The following DTD1 variants were observed in gnomAD, a reference collection of about 807,000 sequenced individuals.
The protein encoded by DTD1 is D-aminoacyl-tRNA deacylase 1.
A neutral mutation model predicts 25.6 loss-of-function variants in DTD1; 13 were observed. The ratio of observed to expected loss-of-function variants is 0.51; its 90% CI spans 0.33 to 0.81. DTD1 has a LOEUF of 0.81. Among genes scored for constraint, DTD1 ranks in the 30% least tolerant of loss-of-function variants. The pLI, the probability that DTD1 is intolerant of heterozygous loss-of-function variation, is 0.02. For missense variants in DTD1, 193 were observed against 266.4 expected (o/e 0.72, Z 1.92); for synonymous variants, 110 against 103.6 (o/e 1.06, Z -0.37).
chr20:18,709,648 C>A (rs963386758), intron 4 of DTD1, among the ~76,000 whole-genome samples: 1 of 152,120 alleles, frequency 6.6e-6, no homozygotes, highest in African/African-American at 2.4e-5. Flanking sequence ...TTGGAGTCAT[C>A]CTTTTTTTAT....
intron 4 of DTD1, among the ~76,000 whole-genome samples, chr20:18,692,890 ATT>A (rs34962546): frequency 8.9e-6 from 1 of 112,462 alleles, no homozygotes; most frequent in Non-Finnish European, 1.7e-5. Context: ...CAGGACATGG[ATT>A]TTTTTTTTTT....
intron 4 of DTD1, among the ~76,000 whole-genome samples, chr20:18,720,654 A>G (rs1422439128): frequency 5.9e-5 from 9 of 152,150 alleles, no homozygotes; most frequent in African/African-American, 2.2e-4. Context: ...CGGGAGTTTG[A>G]GACAAGCCTG....
intron 4 of DTD1, among the ~76,000 whole-genome samples, chr20:18,743,180 A>C (rs2061285185): frequency 6.6e-6 from 1 of 152,140 alleles, no homozygotes; most frequent in Admixed American, 6.5e-5. Flanking sequence ...GTTCCATTCG[A>C]GTGAGACATC....
intron 4 of DTD1, among the ~76,000 whole-genome samples, chr20:18,642,474 G>T (rs4381841): frequency 0.025 from 3,825 of 152,018 alleles, 78 homozygotes; most frequent in South Asian, 0.041. Context: ...TTGCTGTGCT[G>T]CTCAGGCTGG....
intron 4 of DTD1, among the ~76,000 whole-genome samples, chr20:18,637,625 A>G (rs1364738783): frequency 6.6e-6 from 1 of 152,208 alleles, no homozygotes; most frequent in African/African-American, 2.4e-5. Context: ...TGGAACTAGA[A>G]TAAAAACCCA....
intron 4 of DTD1, among the ~76,000 whole-genome samples, chr20:18,696,805 C>T (rs531504700): frequency 6.6e-5 from 10 of 152,042 alleles, no homozygotes; most frequent in Admixed American, 2.0e-4. Context: ...ACGCCCACCT[C>T]GGCCTCCCAA....
At chr20:18,674,223 C>T (rs1454879702) in intron 4 of DTD1, among the ~76,000 whole-genome samples, 1 of 152,082 alleles carries the variant, frequency 6.6e-6, no homozygotes. Context: ...TGTTTGCCTG[C>T]AGTGTTTAAC....
rs530099865 is a variant in DTD1 at position 18,704,149 on chromosome 20, T to C, written c.478-39951T>C. 2.6e-5 allele frequency among the ~76,000 whole-genome samples: 4 copies of C among 152,208 alleles called. No homozygotes were observed. The South Asian group carries it at 8.3e-4, about 32-fold the overall frequency. On this transcript the variant is annotated intron_variant, in intron 4 of 5. Coordinates refer to ENST00000377452, the MANE Select transcript of DTD1 (RefSeq NM_080820.6). ...CTGAGTAGCTGGGACTACAGGTGCC[T>C]GCCACCACGCCTGGCTAATTTTTTG...
chr20:18,629,121 C>T (rs1170727488), intron 4 of DTD1, among the ~76,000 whole-genome samples: 3 of 150,626 alleles, frequency 2.0e-5, no homozygotes, highest in Non-Finnish European at 3.0e-5. Context: ...CTCAGCCTCT[C>T]GAATAGCTGG....
chr20:18,736,885 C>T (rs951240726), intron 4 of DTD1, among the ~76,000 whole-genome samples: 2 of 152,072 alleles, frequency 1.3e-5, no homozygotes, highest in South Asian at 2.1e-4. Context: ...CTGTCCTGTC[C>T]ATTCATTTCT....
intron 4 of DTD1, among the ~76,000 whole-genome samples, chr20:18,727,217 CG>C (rs1229658242): frequency 6.6e-6 from 1 of 152,212 alleles, no homozygotes; most frequent in Non-Finnish European, 1.5e-5. Flanking sequence ...GATTCCCCCA[CG>C]GCTCCCGGGG....
At chr20:18,649,326 CTT>C (rs55766733) in intron 4 of DTD1, among the ~76,000 whole-genome samples, 606 of 57,526 alleles carry the variant, frequency 0.011, no homozygotes, top group Middle Eastern at 0.016. Context: ...ATTCATCTTT[CTT>C]TTTTTTTTTT....
At chr20:18,724,424 C>A (rs1480351767) in intron 4 of DTD1, among the ~76,000 whole-genome samples, 1 of 152,154 alleles carries the variant, frequency 6.6e-6, no homozygotes, top group African/African-American at 2.4e-5. Context: ...GCCTTCTGAG[C>A]AGAATGGCCA....
chr20:18,658,832 G>A (rs2060899359), intron 4 of DTD1, among the ~76,000 whole-genome samples: 1 of 152,220 alleles, frequency 6.6e-6, no homozygotes, highest in African/African-American at 2.4e-5. Flanking sequence ...GTAGGGGTGG[G>A]ACACTGATTA....
At chr20:18,740,805 C>T (rs1161928881) in intron 4 of DTD1, among the ~76,000 whole-genome samples, 1 of 152,116 alleles carries the variant, frequency 6.6e-6, no homozygotes, top group Admixed American at 6.5e-5. Context: ...CAGAAGGAGT[C>T]CTGTATACTG....
chr20:18,658,189 ATGTG>A (rs60197503), intron 4 of DTD1, among the ~76,000 whole-genome samples: 40,890 of 145,942 alleles, frequency 0.28, 6,452 homozygotes, highest in Middle Eastern at 0.38. Context: ...AGAGTCTGAG[ATGTG>A]TGTGTGTGTG....
At chr20:18,652,878 T>C (rs984280509) in intron 4 of DTD1, among the ~76,000 whole-genome samples, 2 of 152,212 alleles carry the variant, frequency 1.3e-5, no homozygotes, top group African/African-American at 4.8e-5. Context: ...GGATTTTTGC[T>C]GAATTTAGAA....
intron 2 of DTD1, among the ~76,000 whole-genome samples, chr20:18,595,522 G>T (rs1375646746): frequency 1.3e-5 from 2 of 152,080 alleles, no homozygotes; most frequent in Non-Finnish European, 2.9e-5. Context: ...CACCCACTGT[G>T]GCCTCCCAAA....
intron 4 of DTD1, among the ~76,000 whole-genome samples, chr20:18,700,401 G>A (rs868216296): frequency 4.0e-5 from 6 of 151,846 alleles, no homozygotes; most frequent in South Asian, 2.1e-4. Flanking sequence ...CATCCACTTG[G>A]TTAGAAAATT....
Sources: gnomAD v4.1 joint callset for allele counts (sites outside exome capture counted in the v4.1 genomes callset) on GRCh38, gnomAD v4.1.1 for gene constraint, MANE v1.5 for transcripts, NCBI Gene and HGNC (gene_info 2026-07-23, HGNC 2026-07-21) for gene names.